PIGL: variants seen among roughly 807,000 people sequenced by gnomAD.
The protein encoded by PIGL is phosphatidylinositol glycan anchor biosynthesis class L.
In PIGL, 22 loss-of-function variants were observed where a neutral mutation model predicts 31.1. The observed-to-expected ratio is 0.71, with a 90% CI of 0.51 to 1.01. The LOEUF (loss-of-function observed/expected upper bound fraction) is 1.01, where lower values mean the gene tolerates loss of function less well. PIGL is among the 50% of genes least tolerant of loss of function. PIGL has a pLI of 0.00. For missense variants in PIGL, 302 were observed against 315.9 expected, an observed-to-expected ratio of 0.96 and a Z score of 0.33; for synonymous variants, 131 against 117.4, an observed-to-expected ratio of 1.12 and a Z score of -0.75.
intron 2 of PIGL, among the ~76,000 whole-genome samples, chr17:16,262,914 T>C (rs1420741012): frequency 1.3e-5 from 2 of 152,162 alleles, no homozygotes; most frequent in Non-Finnish European, 2.9e-5. Context: ...ATTGATGCTG[T>C]AGCATGGATG....
intron 3 of PIGL, among the ~76,000 whole-genome samples, chr17:16,300,909 G>A (rs1350701210): frequency 2.0e-5 from 3 of 152,132 alleles, no homozygotes; most frequent in Non-Finnish European, 4.4e-5. Context: ...TGGTGGACAA[G>A]CCTAGCAACA....
In PIGL at chr17:16,284,183, G is replaced by A. The variant is rs1166955958; in HGVS notation, c.336-15705G>A. On this transcript the variant is annotated intron_variant, in intron 2 of 6. Coordinates refer to ENST00000225609, the MANE Select transcript of PIGL (RefSeq NM_004278.4). ...GTAGAGACGTAGTCTCACCATGTTG[G>A]CCAGGCTGGTCTTGAACTCCTGACC... 2.0e-5 allele frequency: 3 copies of A among 152,268 alleles called. No homozygotes were observed. The East Asian group carries it at 5.8e-4, about 29-fold the overall frequency. The allele number at this position is 152,268 out of a possible 1,614,324, so 9.4% of individuals were successfully genotyped here. A position where few individuals can be genotyped will look rare whatever the true frequency, so the allele number is the denominator to read the frequency against.
In PIGL at chr17:16,317,842, C is replaced by G. The variant is rs576040615; in HGVS notation, c.594C>G (p.Pro198=). 2.5e-6 allele frequency: 4 copies of G among 1,614,142 alleles called. No individual in the cohort carries two copies. In the South Asian group the frequency reaches 4.4e-5, roughly 18 times the overall value. ...AGTACATCTCCCTTCTGGATCTGCCCTTGTCTCTGCTTCATACGCAGGATG... is the reference window on the plus strand; with the variant it reads ...AGTACATCTCCCTTCTGGATCTGCCGTTGTCTCTGCTTCATACGCAGGATG... ...LRKYISLLDL[P]LSLLHTQDVL... is the part of the protein sequence containing the mutation. Residue 198 remains proline, a synonymous_variant, in exon 6 of 7, where the codon CCC becomes CCG. Transcript: ENST00000225609.
At chr17:16,263,888 C>T (rs1371138341) in intron 2 of PIGL, among the ~76,000 whole-genome samples, 1 of 136,638 alleles carries the variant, frequency 7.3e-6, no homozygotes, top group African/African-American at 2.8e-5. Flanking sequence ...GTTGCCCAGG[C>T]TGGAGTGCAA....
chr17:16,289,334 A>G (rs948476975), intron 2 of PIGL, among the ~76,000 whole-genome samples: 6 of 152,196 alleles, frequency 3.9e-5, no homozygotes, highest in African/African-American at 1.2e-4. Context: ...GCCTGATGCA[A>G]TCTCTAGTTA....
intron 2 of PIGL, among the ~76,000 whole-genome samples, chr17:16,270,276 C>T (rs950625718): frequency 1.0e-4 from 12 of 115,504 alleles, no homozygotes; most frequent in Non-Finnish European, 2.0e-4. Flanking sequence ...GTGACAAGAG[C>T]GAAACTCCAT....
chr17:16,235,674 A>G (rs538979012), intron 2 of PIGL, among the ~76,000 whole-genome samples: 18 of 150,282 alleles, frequency 1.2e-4, no homozygotes, highest in Non-Finnish European at 2.7e-4. Context: ...GCTGATCTTG[A>G]ACTCCCGACC....
chr17:16,320,303 G>A, intron 6 of PIGL, among the ~76,000 whole-genome samples: 1 of 127,882 alleles, frequency 7.8e-6, no homozygotes, highest in South Asian at 3.0e-4. Flanking sequence ...GGAAGGGGAA[G>A]GGAAGGGAAG....
At chr17:16,271,425 A>G (rs999113952) in intron 2 of PIGL, among the ~76,000 whole-genome samples, 7 of 152,272 alleles carry the variant, frequency 4.6e-5, no homozygotes, top group Non-Finnish European at 8.8e-5. Flanking sequence ...GCAAATAGGT[A>G]CGTACCCTAA....
intron 1 of PIGL, among the ~76,000 whole-genome samples, chr17:16,233,208 A>C (rs2092686258): frequency 6.6e-6 from 1 of 152,134 alleles, no homozygotes; most frequent in Non-Finnish European, 1.5e-5. Context: ...GCAATTATTT[A>C]TTGGAGAGTT....
chr17:16,325,337 A>G (rs1367878560), intron 6 of PIGL, among the ~76,000 whole-genome samples: 1 of 144,190 alleles, frequency 6.9e-6, no homozygotes, highest in African/African-American at 2.6e-5. Flanking sequence ...AGGCTCAAAA[A>G]AAAAAAAAAA....
intron 1 of PIGL, among the ~76,000 whole-genome samples, chr17:16,218,805 A>T (rs2092611713): frequency 6.6e-6 from 1 of 150,786 alleles, no homozygotes; most frequent in Non-Finnish European, 1.5e-5. Context: ...CAGCCTGCCA[A>T]GTAGCTGGGT....
chr17:16,261,609 T>C (rs2142750455), intron 2 of PIGL, among the ~76,000 whole-genome samples: 1 of 152,102 alleles, frequency 6.6e-6, no homozygotes, highest in African/African-American at 2.4e-5. Context: ...ACACCTGTAA[T>C]CCCAATACTC....
intron 2 of PIGL, among the ~76,000 whole-genome samples, chr17:16,266,906 T>TGG (rs5819561): frequency 2.4e-5 from 3 of 123,052 alleles, no homozygotes; most frequent in African/African-American, 5.5e-5. Flanking sequence ...TCTTTTTTTT[T>TGG]GGGGGGGGGG....
At chr17:16,245,901 G>A (rs1297737924) in intron 2 of PIGL, among the ~76,000 whole-genome samples, 4 of 151,008 alleles carry the variant, frequency 2.6e-5, no homozygotes, top group Non-Finnish European at 5.9e-5. Flanking sequence ...CTCGCTTCAA[G>A]CTCTGCCTCC....
rs770694105 is a variant in PIGL, at chr17:16,325,925, G to A, written c.*27G>A. The stretch of plus-strand genomic sequence containing the variant: ...GCCTTGAAGGGTTTTCAGATCCAAG[G>A]AACAAAGGGGAAAATAGACAAAGGA... On this transcript the variant is annotated 3_prime_UTR_variant, in exon 7 of 7. Coordinates refer to ENST00000225609, the MANE Select transcript of PIGL (RefSeq NM_004278.4). 1 of 1,490,994 alleles carries A rather than the reference G, an allele frequency of 6.7e-7. No individual in the cohort carries two copies. The highest frequency in any genetic ancestry group is 9.4e-7 in the Non-Finnish European group (1 of 1,067,750). The allele number at this position is 1,490,994 out of a possible 1,614,324, so 92.4% of individuals were successfully genotyped here. A position where few individuals can be genotyped will look rare whatever the true frequency, so the allele number is the denominator to read the frequency against.
chr17:16,318,005 T>C lies in PIGL; in HGVS notation c.660+97T>C, dbSNP rs9890539. ...CCTCTGCAGAAGCCCTAACTGAAGG[T>C]TTTTCACAGTGGTTCAGCACCTGTC... On this transcript the variant is annotated intron_variant, in intron 6 of 6. Transcript: ENST00000225609. 0.51 allele frequency: 522,722 copies of C among 1,021,976 alleles called. 137,799 individuals are homozygous for C. The highest frequency in any genetic ancestry group is 0.61 in the African/African-American group (39,103 of 63,734). 63.3% of individuals were successfully genotyped at this position (1,021,976 alleles called of 1,614,324 possible).
intron 5 of PIGL, chr17:16,316,950 T>C: frequency 2.3e-6 from 3 of 1,304,494 alleles, no homozygotes; most frequent in Non-Finnish European, 3.0e-6. Context: ...CCCCTCAACC[T>C]GTCTAGCTTT....
At chr17:16,251,457 A>C (rs1453861417) in intron 2 of PIGL, among the ~76,000 whole-genome samples, 1 of 151,162 alleles carries the variant, frequency 6.6e-6, no homozygotes, top group Non-Finnish European at 1.5e-5. Flanking sequence ...TGGGTTTATG[A>C]GTACATTTAA....
Sources: gnomAD v4.1 joint callset for allele counts (sites outside exome capture counted in the v4.1 genomes callset) on GRCh38, gnomAD v4.1.1 for gene constraint, MANE v1.5 for transcripts, NCBI Gene and HGNC (gene_info 2026-07-23, HGNC 2026-07-21) for gene names.